Variants in PXDNL observed in about 807,000 individuals in gnomAD.
PXDNL encodes the protein peroxidasin like, also known as probable oxidoreductase PXDNL.
PXDNL carries 145 observed loss-of-function variants against 150.8 expected under a neutral mutation model. The ratio of observed to expected loss-of-function variants is 0.96; its 90% CI spans 0.84 to 1.10. PXDNL has a LOEUF of 1.10. Among genes scored for constraint, PXDNL ranks in the 50% least tolerant of loss-of-function variants. The probability of loss-of-function intolerance (pLI) is 0.00; values close to 1 mark genes in which losing one functional copy is unlikely to be tolerated. For synonymous variants in PXDNL, 757 were observed against 725.7 expected (o/e 1.04, Z -0.69); for missense variants, 2,087 against 1,873.9 (o/e 1.11, Z -2.10).
At chr8:51,780,767 C>T (rs2037407117) in intron 1 of PXDNL, among the ~76,000 whole-genome samples, 2 of 146,500 alleles carry the variant, frequency 1.4e-5, no homozygotes, top group South Asian at 2.2e-4. Context: ...TCAAGGGATT[C>T]TCCTGCCTCA....
chr8:51,566,011 C>G (rs75367734), intron 3 of PXDNL, among the ~76,000 whole-genome samples: 2,226 of 151,886 alleles, frequency 0.015, 52 homozygotes, highest in African/African-American at 0.049. Context: ...GGTTTTATCA[C>G]AAATGGGTGT....
At chr8:51,510,571 T>A (rs1178572970) in intron 4 of PXDNL, among the ~76,000 whole-genome samples, 1 of 152,174 alleles carries the variant, frequency 6.6e-6, no homozygotes, top group South Asian at 2.1e-4. Context: ...ATAGGCCACA[T>A]GCAGAGGGAC....
At chr8:51,587,574 T>C (rs984957146) in intron 3 of PXDNL, among the ~76,000 whole-genome samples, 2 of 152,178 alleles carry the variant, frequency 1.3e-5, no homozygotes. Context: ...TTCTGTGGTA[T>C]AGTCAAATGA....
chr8:51,601,207 T>C (rs1813713746), intron 2 of PXDNL, among the ~76,000 whole-genome samples: 2 of 151,802 alleles, frequency 1.3e-5, no homozygotes, highest in Non-Finnish European at 2.9e-5. Flanking sequence ...GGTTGATCCA[T>C]GGAGTATTCC....
chr8:51,541,561 A>G (rs79187086), intron 4 of PXDNL, among the ~76,000 whole-genome samples: 2,823 of 152,202 alleles, frequency 0.019, 36 homozygotes, highest in African/African-American at 0.034. Flanking sequence ...GTTTCCTCCG[A>G]CACGTGCAGA....
At chr8:51,769,102 A>G (rs1466219941) in intron 1 of PXDNL, among the ~76,000 whole-genome samples, 1 of 152,256 alleles carries the variant, frequency 6.6e-6, no homozygotes, top group Non-Finnish European at 1.5e-5. Flanking sequence ...ACTCCGTCTC[A>G]AAAAAGAATG....
At chr8:51,742,856 T>C (rs1585715409) in intron 1 of PXDNL, among the ~76,000 whole-genome samples, 1 of 152,086 alleles carries the variant, frequency 6.6e-6, no homozygotes, top group East Asian at 1.9e-4. Context: ...CCCGAAGCAC[T>C]TGGCAGATAC....
intron 21 of PXDNL, among the ~76,000 whole-genome samples, chr8:51,330,787 C>A (rs1251658485): frequency 1.3e-5 from 2 of 152,124 alleles, no homozygotes; most frequent in Non-Finnish European, 2.9e-5. Flanking sequence ...ATTGCAATAG[C>A]CCCTAAAGTC....
chr8:51,364,556 C>T lies in PXDNL; in HGVS notation c.3901+7317G>A, dbSNP rs1396828516. Among the ~76,000 whole-genome samples, 3 of 152,168 alleles carry T rather than the reference C, an allele frequency of 2.0e-5. No homozygotes were observed. The East Asian group carries it at 5.8e-4, about 29-fold the overall frequency. ...GTGAAAAAGGAGATGGTTGTGTGGA[C>T]TCATGGGGTATACTTTTATTTTGTG... is the stretch of plus-strand genomic sequence containing the variant. On this transcript the variant is annotated intron_variant, in intron 19 of 22. Transcript: ENST00000356297.
At chr8:51,524,495 C>T (rs1475982389) in intron 4 of PXDNL, among the ~76,000 whole-genome samples, 1 of 152,112 alleles carries the variant, frequency 6.6e-6, no homozygotes, top group Non-Finnish European at 1.5e-5. Context: ...TTTTTCTAAG[C>T]TTTGTGAAAT....
intron 19 of PXDNL, among the ~76,000 whole-genome samples, chr8:51,350,239 G>C (rs893919926): frequency 4.6e-5 from 7 of 151,990 alleles, no homozygotes; most frequent in African/African-American, 1.7e-4. Context: ...GGCTTGAGGA[G>C]GCAGTGATTG....
chr8:51,332,539 C>A (rs1805720197), intron 21 of PXDNL, among the ~76,000 whole-genome samples: 1 of 150,328 alleles, frequency 6.7e-6, no homozygotes, highest in African/African-American at 2.4e-5. Context: ...AGAGAGGGAC[C>A]AGAGAAAGGC....
chr8:51,585,834 C>T (rs1201242961), intron 3 of PXDNL, among the ~76,000 whole-genome samples: 1 of 152,100 alleles, frequency 6.6e-6, no homozygotes, highest in African/African-American at 2.4e-5. Flanking sequence ...CTTCTTGCTC[C>T]TTCCATCAAG....
At chr8:51,682,019 G>T (rs540986954) in intron 1 of PXDNL, among the ~76,000 whole-genome samples, 28 of 152,240 alleles carry the variant, frequency 1.8e-4, no homozygotes, top group African/African-American at 6.3e-4. Flanking sequence ...AAGCAGAAAA[G>T]TACGTAGAAT....
At chr8:51,715,396 A>T (rs1816593477) in intron 1 of PXDNL, among the ~76,000 whole-genome samples, 1 of 152,208 alleles carries the variant, frequency 6.6e-6, no homozygotes, top group Non-Finnish European at 1.5e-5. Context: ...AGGGACTTGA[A>T]CTCTGACTGA....
chr8:51,428,764 A>C (rs1375787929), intron 12 of PXDNL, among the ~76,000 whole-genome samples: 1 of 152,238 alleles, frequency 6.6e-6, no homozygotes, highest in Non-Finnish European at 1.5e-5. Flanking sequence ...AAAAAATAGG[A>C]GAAAATCTTT....
chr8:51,452,924 G>GCGCACACACAAACACATA (rs1809837403), intron 10 of PXDNL, among the ~76,000 whole-genome samples: 1 of 61,218 alleles, frequency 1.6e-5, no homozygotes, highest in Non-Finnish European at 4.2e-5. Flanking sequence ...ACACACAAAC[G>GCGCACACACAAACACATA]CACACACACA....
intron 12 of PXDNL, chr8:51,436,325 T>A: frequency 2.2e-6 from 1 of 463,608 alleles, no homozygotes; most frequent in Non-Finnish European, 4.4e-6. Flanking sequence ...TTAAATCTCA[T>A]AAACATTATT....
rs367680133 is a variant in PXDNL, at chr8:51,472,173, T to C, written c.812+14A>G. Reference sequence around the variant, plus strand: ...GAAGGAGAATCACAACCCATGTCCATGCTCAGTATTTACTTGTTGTGTATC... The same window carrying C: ...GAAGGAGAATCACAACCCATGTCCACGCTCAGTATTTACTTGTTGTGTATC... On this transcript the variant is annotated intron_variant, in intron 8 of 22. Coordinates refer to ENST00000356297, the MANE Select transcript of PXDNL (RefSeq NM_144651.5). The C allele has an allele frequency of 2.6e-6, 4 of 1,530,242 alleles. No homozygotes were observed. The highest frequency in any genetic ancestry group is 3.4e-5 in the Admixed American group (2 of 59,690). 94.8% of individuals were successfully genotyped at this position (1,530,242 alleles called of 1,614,324 possible).
Sources: gnomAD v4.1 joint callset for allele counts (sites outside exome capture counted in the v4.1 genomes callset) on GRCh38, gnomAD v4.1.1 for gene constraint, MANE v1.5 for transcripts, NCBI Gene and HGNC (gene_info 2026-07-23, HGNC 2026-07-21) for gene names.